Variants in CAST observed in about 807,000 individuals in gnomAD.
CAST encodes calpastatin.
A neutral mutation model predicts 119.6 loss-of-function variants in CAST; 76 were observed. That is an observed-to-expected ratio of 0.64 (90% confidence interval 0.53 to 0.77). CAST has a LOEUF of 0.77. Among genes scored for constraint, CAST ranks in the 30% least tolerant of loss-of-function variants. The pLI is 0.00. For missense variants in CAST, 953 were observed against 946.5 expected, an observed-to-expected ratio of 1.01 and a Z score of -0.09; for synonymous variants, 319 against 331.6, an observed-to-expected ratio of 0.96 and a Z score of 0.41.
At chr5:96,554,633 A>T (rs920186203) in intron 1 of CAST, among the ~76,000 whole-genome samples, 4 of 152,236 alleles carry the variant, frequency 2.6e-5, no homozygotes, top group Admixed American at 2.6e-4. Context: ...ACAGAATGGG[A>T]GAAAATTTTT....
intron 3 of CAST, among the ~76,000 whole-genome samples, chr5:96,711,914 C>G (rs1355124182): frequency 6.6e-6 from 1 of 152,098 alleles, no homozygotes; most frequent in Non-Finnish European, 1.5e-5. Context: ...TTTCTTTGGA[C>G]ATTTGATATG....
At chr5:96,504,552 T>G in the CAST span, among the ~76,000 whole-genome samples, 1 of 152,176 alleles carries the variant, frequency 6.6e-6, no homozygotes, top group East Asian at 1.9e-4. Flanking sequence ...CCTAACGTGT[T>G]TTTTTGTTCA....
chr5:96,105,555 T>G, the CAST span, among the ~76,000 whole-genome samples: 5 of 152,206 alleles, frequency 3.3e-5, no homozygotes, highest in Non-Finnish European at 7.3e-5. Flanking sequence ...TTGCGTATAT[T>G]GAACCAGCCT....
chr5:96,625,534 T>G (rs1452199628), intron 1 of CAST, among the ~76,000 whole-genome samples: 1 of 152,206 alleles, frequency 6.6e-6, no homozygotes. Context: ...GCTTCCAGTT[T>G]CTCATCAGTG....
At chr5:96,198,454 G>C in the CAST span, among the ~76,000 whole-genome samples, 1 of 151,948 alleles carries the variant, frequency 6.6e-6, no homozygotes, top group Non-Finnish European at 1.5e-5. Context: ...TCTGAAGTGG[G>C]GACCAGGAAA....
the CAST span, among the ~76,000 whole-genome samples, chr5:96,291,843 CGTGTGTGTGTGTGT>C: frequency 1.4e-4 from 19 of 133,060 alleles, no homozygotes; most frequent in East Asian, 9.1e-4. Context: ...TCCCAGTCTG[CGTGTGTGTGTGTGT>C]GTGTGTGTGT....
chr5:96,366,403 G>C, the CAST span, among the ~76,000 whole-genome samples: 9 of 152,162 alleles, frequency 5.9e-5, no homozygotes, highest in African/African-American at 2.2e-4. Flanking sequence ...AGTTCTCCTG[G>C]ATAATATCCT....
the CAST span, among the ~76,000 whole-genome samples, chr5:96,412,752 G>GTTTTTTT: frequency 4.1e-3 from 297 of 71,760 alleles, 29 homozygotes; most frequent in African/African-American, 0.018. Context: ...CAGCTGTGAT[G>GTTTTTTT]TTTTTTTTTT....
chr5:95,997,411 T>G, the CAST span, among the ~76,000 whole-genome samples: 1 of 152,098 alleles, frequency 6.6e-6, no homozygotes, highest in African/African-American at 2.4e-5. Flanking sequence ...TAACACCCAA[T>G]TAGATATTGA....
chr5:96,513,846 G>T, the CAST span, among the ~76,000 whole-genome samples: 1 of 152,170 alleles, frequency 6.6e-6, no homozygotes, highest in Admixed American at 6.5e-5. Context: ...GAGGTTAGAA[G>T]CCCCACATCA....
At chr5:96,218,207 T>C in the CAST span, among the ~76,000 whole-genome samples, 2 of 152,212 alleles carry the variant, frequency 1.3e-5, no homozygotes, top group African/African-American at 4.8e-5. Context: ...TCCTATGGAA[T>C]TTTTTTAAAT....
At chr5:96,246,302 C>T in the CAST span, among the ~76,000 whole-genome samples, 16 of 149,764 alleles carry the variant, frequency 1.1e-4, no homozygotes, top group Admixed American at 5.4e-4. Flanking sequence ...CCTGCCTCAG[C>T]CTCCCGAGTA....
At chr5:96,107,976 A>G in the CAST span, among the ~76,000 whole-genome samples, 2 of 151,602 alleles carry the variant, frequency 1.3e-5, no homozygotes, top group Non-Finnish European at 2.9e-5. Flanking sequence ...CATTCATTTC[A>G]TCTTCCATTG....
rs184155367 is a variant in CAST at position 96,640,606 on chromosome 5, G to A, written c.61-34933G>A. Reference sequence around the variant, plus strand: ...GCCCTTGGGATCAACACCTATGGAAGGGAAGGGAGGAATGGAAAAAAGGGG... The same window carrying A: ...GCCCTTGGGATCAACACCTATGGAAAGGAAGGGAGGAATGGAAAAAAGGGG... On this transcript the variant is annotated intron_variant, in intron 1 of 11. Coordinates refer to the CAST transcript ENST00000505143. 2.4e-4 allele frequency among the ~76,000 whole-genome samples: 36 copies of A among 152,312 alleles called. 1 individual carries two copies. The highest frequency in any genetic ancestry group is 2.0e-3 in the Admixed American group (30 of 15,296).
chr5:96,318,779 G>C, the CAST span: 1 of 152,088 alleles, frequency 6.6e-6, no homozygotes, highest in Non-Finnish European at 1.5e-5. Context: ...GGTTGAGTCT[G>C]TTCCCAGCTG....
chr5:96,551,970 G>T (rs1407314266), intron 1 of CAST, among the ~76,000 whole-genome samples: 1 of 152,052 alleles, frequency 6.6e-6, no homozygotes, highest in African/African-American at 2.4e-5. Flanking sequence ...ATAATAATGG[G>T]AGACTTTAAC....
chr5:96,555,195 A>G lies in CAST; in HGVS notation c.60+25315A>G, dbSNP rs958507090. ...AGACTGGATTAAGAAAATGTAGCAC[A>G]TATACACCATGGAGTACTATGCAGC... On this transcript the variant is annotated intron_variant, in intron 1 of 11. Transcript: ENST00000505143. Among the ~76,000 whole-genome samples the G allele has an allele frequency of 2.0e-5, 3 of 152,374 alleles. No individual in the cohort carries two copies. The South Asian group carries it at 6.2e-4, about 32-fold the overall frequency.
chr5:96,593,157 C>T (rs1230147526), intron 1 of CAST, among the ~76,000 whole-genome samples: 1 of 152,238 alleles, frequency 6.6e-6, no homozygotes, highest in African/African-American at 2.4e-5. Flanking sequence ...TGCTGTCGTC[C>T]CCCAAACACA....
the CAST span, among the ~76,000 whole-genome samples, chr5:96,376,594 C>CAGGCATGCACCTG: frequency 3.4e-4 from 51 of 152,236 alleles, no homozygotes; most frequent in Middle Eastern, 0.014. Flanking sequence ...GCATGCACCA[C>CAGGCATGCACCTG]TATGCCTGGT....
Sources: allele counts gnomAD v4.1 joint callset (sites outside exome capture counted in the v4.1 genomes callset), GRCh38; gene constraint gnomAD v4.1.1; transcripts MANE v1.5; gene names NCBI Gene and HGNC (gene_info 2026-07-23, HGNC 2026-07-21).